The following PTPN23 variants were observed in gnomAD, a reference collection of about 807,000 sequenced individuals.
PTPN23 encodes the protein tyrosine-protein phosphatase non-receptor type 23.
In PTPN23, 72 loss-of-function variants were observed where a neutral mutation model predicts 156.3. The ratio of observed to expected loss-of-function variants is 0.46; its 90% CI spans 0.38 to 0.56. PTPN23 has a LOEUF of 0.56. Among genes scored for constraint, PTPN23 ranks in the 20% least tolerant of loss-of-function variants. The pLI, the probability that PTPN23 is intolerant of heterozygous loss-of-function variation, is 0.00. For missense variants in PTPN23, 1,974 were observed against 2,171.5 expected, an observed-to-expected ratio of 0.91 and a Z score of 1.81; for synonymous variants, 957 against 899.6, an observed-to-expected ratio of 1.06 and a Z score of -1.14.
Position 47,408,992 on chromosome 3 carries a change from A to G in PTPN23, c.1547A>G (p.His516Arg). 1 of 1,614,140 alleles carries G rather than the reference A, an allele frequency of 6.2e-7. No homozygotes were observed. Among genetic ancestry groups the G allele is most frequent in the South Asian group, 1.1e-5 (1 of 91,086 alleles). Reference sequence around the variant, plus strand: ...GCCTCCTTCACCAACAGTGAGCTGCACCGTGCCATGAACCTGCACGTCGGC... The same window carrying G: ...GCCTCCTTCACCAACAGTGAGCTGCGCCGTGCCATGAACCTGCACGTCGGC... ...EKASFTNSEL[H>R]RAMNLHVGNL... The change falls in exon 16 of 25, where the codon CAC becomes CGC. Residue 516 changes from histidine (H) to arginine (R), a missense_variant. Transcript: ENST00000265562.
chr3:47,412,888 C>A lies in PTPN23; in HGVS notation c.4614C>A (p.Thr1538=), dbSNP rs535502642. 4 of 1,611,504 alleles carry A rather than the reference C, an allele frequency of 2.5e-6. No individual in the cohort carries two copies. In the African/African-American group the frequency reaches 5.3e-5, roughly 22 times the overall value. The part of the protein sequence containing the change: ...GLPPASLPES[T]PIPSSSPPPL... ...CGCCAGCCAGCCTCCCAGAGTCTAC[C>A]CCAATCCCATCTTCCTCCCCGCCCC... The change falls in exon 25 of 25, where the codon ACC becomes ACA. Residue 1538 remains threonine (T), a synonymous_variant. Coordinates refer to ENST00000265562, the MANE Select transcript of PTPN23 (RefSeq NM_015466.4).
Position 47,409,997 on chromosome 3 carries a change from T to C in PTPN23, c.2199T>C (p.Ser733=). The part of the protein sequence containing the change: ...PKPLLPRREE[S]EAVEAGDPPE... ...CGCTGCTGCCCCGCAGGGAGGAGAG[T>C]GAGGCAGTGGAAGCAGGAGACCCCC... The change falls in exon 20 of 25, where the codon AGT becomes AGC. Residue 733 remains serine, a synonymous_variant. Transcript: ENST00000265562. The C allele has an allele frequency of 6.2e-7, 1 of 1,602,936 alleles. No individual in the cohort carries two copies. Among genetic ancestry groups the C allele is most frequent in the African/African-American group, 1.3e-5 (1 of 74,324 alleles).
chr3:47,404,410 T>A, intron 2 of PTPN23, among the ~76,000 whole-genome samples: 1 of 151,238 alleles, frequency 6.6e-6, no homozygotes, highest in Non-Finnish European at 1.5e-5. Flanking sequence ...TGAGACTCTT[T>A]TTTTTTTTTT....
In PTPN23 at chr3:47,409,838, T is replaced by TA; in HGVS notation, c.2129+4_2129+5insA. 1 of 1,609,608 alleles carries TA rather than the reference T, an allele frequency of 6.2e-7. No individual in the cohort carries two copies. Reference sequence around the variant, plus strand: ...CCCGCCAGCAGCTCCTGGACAGGTTTGTGTGGCCCTGGGGCTGTGGTGCGG... The same window carrying TA: ...CCCGCCAGCAGCTCCTGGACAGGTTTAGTGTGGCCCTGGGGCTGTGGTGCGG... On this transcript the variant is annotated splice_donor_region_variant and intron_variant, in intron 19 of 24. Transcript: ENST00000265562.
Position 47,410,042 on chromosome 3 carries a change from C to A in PTPN23, c.2244C>A (p.Leu748=), listed in dbSNP as rs77776224. The change falls in exon 20 of 25, where the codon CTC becomes CTA. Residue 748 remains leucine, a synonymous_variant. Coordinates refer to ENST00000265562, the MANE Select transcript of PTPN23 (RefSeq NM_015466.4). ...ACCCCCCTGAGGAGCTGCGCAGCCT[C>A]CCCCCTGACATGGTGGCTGGCCCAC... ...AGDPPEELRS[L]PPDMVAGPRL... The A allele has an allele frequency of 1.1e-5, 18 of 1,610,718 alleles. No individual in the cohort carries two copies. Among genetic ancestry groups the A allele is most frequent in the Non-Finnish European group, 1.5e-5 (18 of 1,178,720 alleles).
chr3:47,405,222 C>G lies in PTPN23; in HGVS notation c.364+141C>G. 1 of 737,654 alleles carries G rather than the reference C, an allele frequency of 1.4e-6. No individual in the cohort carries two copies. Among genetic ancestry groups the G allele is most frequent in the Non-Finnish European group, 2.3e-6 (1 of 431,312 alleles). The allele number at this position is 737,654 out of a possible 1,614,324, so 45.7% of individuals were successfully genotyped here. ...CGCCCCTCCACTGACCTCCCCACAGCCCTGCCAGCTCCTCCACTGTTTTCT... is the reference window on the plus strand; with the variant it reads ...CGCCCCTCCACTGACCTCCCCACAGGCCTGCCAGCTCCTCCACTGTTTTCT... On this transcript the variant is annotated intron_variant, in intron 4 of 24. Transcript: ENST00000265562. This position sits in a 1 kb window ranked among gnomAD's most constrained non-coding sequence, Gnocchi z 4.7.
In PTPN23 at chr3:47,410,536, C is replaced by T. The variant is rs1356704084; in HGVS notation, c.2738C>T (p.Pro913Leu). 8 of 1,611,218 alleles carry T rather than the reference C, an allele frequency of 5.0e-6. No homozygotes were observed. In the Admixed American group the frequency reaches 8.4e-5, roughly 17 times the overall value. ...PAPPPPCFPV[P>L]PPQPLPTPYT... ...CCTCCCCCGCCCTGCTTCCCTGTGC[C>T]CCCACCGCAGCCACTGCCCACGCCT... is the stretch of plus-strand genomic sequence containing the variant. The change falls in exon 20 of 25, where the codon CCC becomes CTC. Residue 913 changes from proline (P) to leucine (L), a missense_variant. Around this residue, in one of 4 missense-constraint regions of PTPN23, gnomAD observed 731 missense variants for 669.1 expected, o/e 1.09. Transcript: ENST00000265562.
chr3:47,392,004 A>G lies in PTPN23; in HGVS notation c.85-4139A>G, dbSNP rs895903276. Among the ~76,000 whole-genome samples the G allele has an allele frequency of 5.5e-4, 84 of 151,986 alleles. 1 individual carries two copies. The highest frequency in any genetic ancestry group is 1.9e-3 in the African/African-American group (78 of 41,430). ...GGTGTCAAGCAGTCCTCTCACCTCAACCTCCCAACTGGCCAAGAGTATAGG... is the reference window on the plus strand; with the variant it reads ...GGTGTCAAGCAGTCCTCTCACCTCAGCCTCCCAACTGGCCAAGAGTATAGG... On this transcript the variant is annotated intron_variant, in intron 1 of 24. Coordinates refer to ENST00000265562, the MANE Select transcript of PTPN23 (RefSeq NM_015466.4).
intron 14 of PTPN23, 86 bp downstream of exon 14, chr3:47,408,041 G>A: frequency 3.5e-6 from 5 of 1,444,022 alleles, no homozygotes; most frequent in East Asian, 2.4e-5. Context: ...TGCTGGGAGA[G>A]GAATGAAATG....
Position 47,405,383 on chromosome 3 carries a change from T to C in PTPN23, c.364+302T>C. The C allele has an allele frequency of 1.9e-6, 1 of 533,650 alleles. No homozygotes were observed. Among genetic ancestry groups the C allele is most frequent in the South Asian group, 2.2e-5 (1 of 46,012 alleles). 33.1% of individuals were successfully genotyped at this position (533,650 alleles called of 1,614,324 possible). A position where few individuals can be genotyped will look rare whatever the true frequency, so the allele number is the denominator to read the frequency against. ...TGGACAGCCCCTCCCCACTGTGGTTTTGGGCTGCTTCAGGCAGGAGGAGAG... is the reference window on the plus strand; with the variant it reads ...TGGACAGCCCCTCCCCACTGTGGTTCTGGGCTGCTTCAGGCAGGAGGAGAG... On this transcript the variant is annotated intron_variant, in intron 4 of 24. Transcript: ENST00000265562. The surrounding 1 kb of genome is among the most constrained non-coding windows in gnomAD (Gnocchi z 4.7).
intron 1 of PTPN23, among the ~76,000 whole-genome samples, chr3:47,388,474 C>G (rs2107694297): frequency 6.6e-6 from 1 of 152,060 alleles, no homozygotes; most frequent in Non-Finnish European, 1.5e-5. Flanking sequence ...CTACTATGTA[C>G]CCACAAAAAT....
Position 47,408,767 on chromosome 3 carries a change from C to G in PTPN23, c.1331-9C>G. 1 of 1,576,590 alleles carries G rather than the reference C, an allele frequency of 6.3e-7. No homozygotes were observed. Among genetic ancestry groups the G allele is most frequent in the Non-Finnish European group, 8.6e-7 (1 of 1,159,472 alleles). On this transcript the variant is annotated splice_polypyrimidine_tract_variant and intron_variant, in intron 15 of 24. Transcript: ENST00000265562. Reference sequence around the variant, plus strand: ...CCTCAGGGGCTGCCTGTACAATCCACAACCCCAGTGCTGTCAGGTGTGTTC... The same window carrying G: ...CCTCAGGGGCTGCCTGTACAATCCAGAACCCCAGTGCTGTCAGGTGTGTTC...
At chr3:47,404,414 T>TAG (rs1705071774) in intron 2 of PTPN23, among the ~76,000 whole-genome samples, 1 of 151,214 alleles carries the variant, frequency 6.6e-6, no homozygotes, top group Non-Finnish European at 1.5e-5. Flanking sequence ...ACTCTTTTTT[T>TAG]TTTTTTTTTT....
chr3:47,386,174 T>G (rs1405550603), intron 1 of PTPN23, among the ~76,000 whole-genome samples: 1 of 151,826 alleles, frequency 6.6e-6, no homozygotes, highest in Non-Finnish European at 1.5e-5. Flanking sequence ...TTTTTTTTCT[T>G]TTTTTTTGGA....
intron 1 of PTPN23, among the ~76,000 whole-genome samples, chr3:47,384,484 G>T (rs1215518076): frequency 4.2e-5 from 6 of 144,092 alleles, no homozygotes; most frequent in Non-Finnish European, 1.5e-5. Context: ...AAGAGTAGAA[G>T]TATTTGCAGT....
In PTPN23 at chr3:47,407,551, G is replaced by T; in HGVS notation, c.970G>T (p.Val324Phe). Reference protein sequence around the residue: ...KDNDFIYHEAVPALDTLQPVK... With the variant: ...KDNDFIYHEAFPALDTLQPVK... Reference sequence around the variant, plus strand: ...CAACGACTTCATTTACCATGAGGCTGTCCCAGCATTGGACACTCTTCAGCC... The same window carrying T: ...CAACGACTTCATTTACCATGAGGCTTTCCCAGCATTGGACACTCTTCAGCC... The change falls in exon 12 of 25, where the codon GTC becomes TTC. Residue 324 changes from valine (V) to phenylalanine (F), a missense_variant. Coordinates refer to ENST00000265562, the MANE Select transcript of PTPN23 (RefSeq NM_015466.4). The surrounding 1 kb of genome is among the most constrained non-coding windows in gnomAD (Gnocchi z 4.0). The T allele has an allele frequency of 6.2e-7, 1 of 1,614,032 alleles. No individual in the cohort carries two copies. Among genetic ancestry groups the T allele is most frequent in the Non-Finnish European group, 8.5e-7 (1 of 1,179,934 alleles).
Position 47,396,225 on chromosome 3 carries a change from G to T in PTPN23, c.159+8G>T. On this transcript the variant is annotated splice_region_variant and intron_variant, in intron 2 of 24. Transcript: ENST00000265562. ...CTGGAGTTGCTCAGACAGGTAGGAG[G>T]ATAGTATTATCTTTTTATGCATGGG... The T allele has an allele frequency of 6.2e-7, 1 of 1,606,208 alleles. No individual in the cohort carries two copies. Among genetic ancestry groups the T allele is most frequent in the Non-Finnish European group, 8.5e-7 (1 of 1,173,722 alleles).
intron 1 of PTPN23, among the ~76,000 whole-genome samples, chr3:47,386,126 A>G (rs1704647238): frequency 6.6e-6 from 1 of 151,978 alleles, no homozygotes; most frequent in African/African-American, 2.4e-5. Flanking sequence ...CTTGCTGTCC[A>G]CCACTGGGTT....
At chr3:47,387,303 A>C (rs1386369530) in intron 1 of PTPN23, among the ~76,000 whole-genome samples, 2 of 150,908 alleles carry the variant, frequency 1.3e-5, no homozygotes, top group Non-Finnish European at 2.9e-5. Flanking sequence ...ACGTTGGCTC[A>C]TGCCTGTCAT....
Sources: allele counts gnomAD v4.1 joint callset (sites outside exome capture counted in the v4.1 genomes callset), GRCh38; gene constraint gnomAD v4.1.1; regional missense constraint gnomAD v4.1.1; non-coding constraint Gnocchi (gnomAD v3.1); transcripts MANE v1.5; gene names NCBI Gene and HGNC (gene_info 2026-07-23, HGNC 2026-07-21).